The following SPIDR variants were observed in gnomAD, a reference collection of about 807,000 sequenced individuals.
The protein encoded by SPIDR is DNA repair-scaffolding protein.
Under a neutral mutation model 104.6 loss-of-function variants are expected in SPIDR, and 93 were observed. The ratio of observed to expected loss-of-function variants is 0.89; its 90% CI spans 0.75 to 1.06. The LOEUF (loss-of-function observed/expected upper bound fraction) is 1.06. Among genes scored for constraint, SPIDR ranks in the 50% least tolerant of loss-of-function variants. The pLI is 0.00. For synonymous variants in SPIDR, 431 were observed against 416.9 expected, an observed-to-expected ratio of 1.03 and a Z score of -0.41; for missense variants, 1,154 against 1,111.2, an observed-to-expected ratio of 1.04 and a Z score of -0.55.
chr8:47,390,801 AG>A (rs1463957832), intron 5 of SPIDR, among the ~76,000 whole-genome samples: 1 of 152,156 alleles, frequency 6.6e-6, no homozygotes, highest in African/African-American at 2.4e-5. Flanking sequence ...ACTTGTTCAA[AG>A]TAACAAAGTA....
At chr8:47,317,399 TG>T (rs1292392006) in intron 5 of SPIDR, among the ~76,000 whole-genome samples, 1 of 151,956 alleles carries the variant, frequency 6.6e-6, no homozygotes, top group Admixed American at 6.6e-5. Flanking sequence ...GCAGCGAGGC[TG>T]GGGGAGGGGC....
At chr8:47,615,391 G>C (rs539842893) in intron 10 of SPIDR, among the ~76,000 whole-genome samples, 2 of 151,744 alleles carry the variant, frequency 1.3e-5, no homozygotes, top group Non-Finnish European at 2.9e-5. Context: ...AGGTATTGGG[G>C]ACATTTTAAA....
chr8:47,503,181 C>T (rs1396940593), intron 8 of SPIDR, among the ~76,000 whole-genome samples: 1 of 152,144 alleles, frequency 6.6e-6, no homozygotes, highest in African/African-American at 2.4e-5. Context: ...AGTTCAATTC[C>T]TGAATATCCT....
At chr8:47,363,530 A>T (rs1036405759) in intron 5 of SPIDR, among the ~76,000 whole-genome samples, 7 of 150,000 alleles carry the variant, frequency 4.7e-5, no homozygotes, top group African/African-American at 1.7e-4. Context: ...TAGGTCAAAG[A>T]GTATTTCAGA....
intron 10 of SPIDR, among the ~76,000 whole-genome samples, chr8:47,609,238 A>G (rs995614327): frequency 2.0e-5 from 3 of 152,314 alleles, no homozygotes; most frequent in Admixed American, 6.5e-5. Context: ...AAGATTTATC[A>G]TTTTAATGAG....
At chr8:47,625,005 C>A (rs144408471) in intron 10 of SPIDR, among the ~76,000 whole-genome samples, 1 of 152,126 alleles carries the variant, frequency 6.6e-6, no homozygotes, top group Non-Finnish European at 1.5e-5. Context: ...ACTGGCAAAT[C>A]GAATCCAGCA....
intron 8 of SPIDR, among the ~76,000 whole-genome samples, chr8:47,584,061 A>G (rs1037601003): frequency 3.9e-5 from 6 of 152,222 alleles, no homozygotes; most frequent in Admixed American, 1.3e-4. Flanking sequence ...GATCTTTCCC[A>G]TATCCATTTG....
intron 8 of SPIDR, among the ~76,000 whole-genome samples, chr8:47,480,633 C>T (rs964347056): frequency 1.3e-5 from 2 of 152,140 alleles, no homozygotes; most frequent in East Asian, 1.9e-4. Flanking sequence ...CAAGTGTTCT[C>T]GCTGCTCTCA....
At chr8:47,306,443 A>C (rs2043111300) in intron 5 of SPIDR, among the ~76,000 whole-genome samples, 1 of 152,118 alleles carries the variant, frequency 6.6e-6, no homozygotes. Flanking sequence ...GCCCGGCTAG[A>C]ATTTCCTTCT....
chr8:47,703,716 A>G (rs1719257590), intron 14 of SPIDR, among the ~76,000 whole-genome samples: 1 of 152,214 alleles, frequency 6.6e-6, no homozygotes, highest in South Asian at 2.1e-4. Context: ...TAAAAACCAT[A>G]CTTAGCTTAC....
intron 8 of SPIDR, among the ~76,000 whole-genome samples, chr8:47,461,415 G>A (rs7012341): frequency 0.49 from 74,453 of 151,936 alleles, 22,277 homozygotes; most frequent in Non-Finnish European, 0.66. Context: ...GGATTCAAGC[G>A]ATTCTCCTGC....
In SPIDR at chr8:47,515,388, A is replaced by G. The variant is rs142192554; in HGVS notation, c.1097+74846A>G. On this transcript the variant is annotated intron_variant, in intron 8 of 19. Transcript: ENST00000297423. ...AGAACCTTGTCAACATCTGCCTGAT[A>G]ATTCTGTCTTGAGAATCAACTGAAT... Among the ~76,000 whole-genome samples the G allele has an allele frequency of 2.6e-4, 39 of 152,306 alleles. No individual in the cohort carries two copies. In the East Asian group the frequency reaches 5.6e-3, roughly 22 times the overall value.
intron 5 of SPIDR, among the ~76,000 whole-genome samples, chr8:47,375,971 G>C (rs782266081): frequency 1.3e-5 from 2 of 152,104 alleles, no homozygotes; most frequent in Non-Finnish European, 2.9e-5. Context: ...CAGGAAGTTT[G>C]TTATTAATCC....
chr8:47,350,338 G>A (rs1286175260), intron 5 of SPIDR, among the ~76,000 whole-genome samples: 1 of 152,118 alleles, frequency 6.6e-6, no homozygotes. Context: ...ATAAAAGATA[G>A]AGTCTCGCTC....
At chr8:47,504,427 C>G (rs1172200013) in intron 8 of SPIDR, among the ~76,000 whole-genome samples, 1 of 152,090 alleles carries the variant, frequency 6.6e-6, no homozygotes, top group African/African-American at 2.4e-5. Context: ...TTGATCGAAT[C>G]GGCTACTGAG....
intron 10 of SPIDR, among the ~76,000 whole-genome samples, chr8:47,610,030 C>T (rs1478263535): frequency 1.3e-5 from 2 of 152,088 alleles, no homozygotes; most frequent in Non-Finnish European, 2.9e-5. Flanking sequence ...TCTAAGTTTG[C>T]GTCTTAACCT....
chr8:47,382,625 A>G (rs1310415595), intron 5 of SPIDR, among the ~76,000 whole-genome samples: 1 of 152,088 alleles, frequency 6.6e-6, no homozygotes, highest in African/African-American at 2.4e-5. Context: ...GTCGGCTAGG[A>G]TGGTCTCGAT....
chr8:47,625,808 C>A (rs576440331), intron 10 of SPIDR, among the ~76,000 whole-genome samples: 4 of 152,272 alleles, frequency 2.6e-5, no homozygotes, highest in East Asian at 3.9e-4. Context: ...AATGGCCATA[C>A]TGCCCAAGGT....
chr8:47,586,893 C>T (rs559449053), intron 8 of SPIDR, among the ~76,000 whole-genome samples: 9 of 152,270 alleles, frequency 5.9e-5, no homozygotes, highest in Admixed American at 2.0e-4. Context: ...CTCACCCTCC[C>T]GAGTAGCTGG....
Sources: gnomAD v4.1 joint callset for allele counts (sites outside exome capture counted in the v4.1 genomes callset) on GRCh38, gnomAD v4.1.1 for gene constraint, MANE v1.5 for transcripts, NCBI Gene and HGNC (gene_info 2026-07-23, HGNC 2026-07-21) for gene names.